GRIP1: variants seen among roughly 807,000 people sequenced by gnomAD.
The protein encoded by GRIP1 is glutamate receptor-interacting protein 1.
A neutral mutation model predicts 129.9 loss-of-function variants in GRIP1; 45 were observed. That is an observed-to-expected ratio of 0.35 (90% CI 0.27 to 0.44). The LOEUF (loss-of-function observed/expected upper bound fraction) is 0.44, where lower values mean the gene tolerates loss of function less well. Ranked by LOEUF, GRIP1 falls within the 20% of genes least tolerant of loss-of-function variation. GRIP1 has a pLI of 1.00. For missense variants in GRIP1, 1,196 were observed against 1,396.8 expected, an observed-to-expected ratio of 0.86 and a Z score of 2.29; for synonymous variants, 530 against 520.8, an observed-to-expected ratio of 1.02 and a Z score of -0.24.
chr12:67,038,971 C>T (rs1008244844), intron 1 of GRIP1, among the ~76,000 whole-genome samples: 35 of 151,970 alleles, frequency 2.3e-4, no homozygotes, highest in African/African-American at 8.2e-4. Flanking sequence ...TATGACCAAA[C>T]CCATTCCCAA....
chr12:66,376,071 ACAT>A (rs1275907859), intron 22 of GRIP1, among the ~76,000 whole-genome samples: 2,622 of 152,332 alleles, frequency 0.017, 82 homozygotes, highest in African/African-American at 0.06. Flanking sequence ...ATCATTGCTA[ACAT>A]CTTACTTCAT....
chr12:66,494,537 T>C (rs138541575), intron 7 of GRIP1, among the ~76,000 whole-genome samples: 4 of 152,162 alleles, frequency 2.6e-5, no homozygotes, highest in African/African-American at 9.7e-5. Context: ...TGAATTTGAA[T>C]AAATTAATTT....
intron 1 of GRIP1, among the ~76,000 whole-genome samples, chr12:66,663,581 T>C (rs2033633509): frequency 6.6e-6 from 1 of 151,890 alleles, no homozygotes; most frequent in Non-Finnish European, 1.5e-5. Flanking sequence ...GAGGTATGTG[T>C]GGGGTGGGTG....
chr12:66,417,555 A>G (rs1289413624), intron 15 of GRIP1, among the ~76,000 whole-genome samples: 1 of 152,176 alleles, frequency 6.6e-6, no homozygotes, highest in East Asian at 1.9e-4. Context: ...AAGACTCCAC[A>G]AAAAACAATT....
At chr12:67,065,492 T>C (rs2043609615) in intron 1 of GRIP1, among the ~76,000 whole-genome samples, 1 of 152,174 alleles carries the variant, frequency 6.6e-6, no homozygotes, top group African/African-American at 2.4e-5. Flanking sequence ...TAATGTGAAA[T>C]GCACTTAACA....
At chr12:66,950,957 A>C (rs2041747663) in intron 1 of GRIP1, among the ~76,000 whole-genome samples, 1 of 152,190 alleles carries the variant, frequency 6.6e-6, no homozygotes, top group Non-Finnish European at 1.5e-5. Flanking sequence ...TGGAAGACAA[A>C]TCTGCAAATG....
chr12:67,061,955 G>C (rs1399667421), intron 1 of GRIP1, among the ~76,000 whole-genome samples: 1 of 82,188 alleles, frequency 1.2e-5, no homozygotes, highest in Non-Finnish European at 2.6e-5. Context: ...ATTCTAATCA[G>C]TACTTGAACC....
At chr12:66,455,612 G>C in intron 10 of GRIP1, 48 bp from the exon 11 acceptor site, 1 of 1,567,880 alleles carries the variant, frequency 6.4e-7, no homozygotes, top group South Asian at 1.1e-5. Flanking sequence ...GGTGAGGTGT[G>C]AGCCCGCCAC....
In GRIP1 at chr12:66,989,620, T is replaced by C. The variant is rs566800247; in HGVS notation, c.58+79430A>G. Among the ~76,000 whole-genome samples, 14 of 152,318 alleles carry C rather than the reference T, an allele frequency of 9.2e-5. No individual in the cohort carries two copies. The South Asian group carries it at 2.9e-3, about 32-fold the overall frequency. ...AAACAGAAAATCTTTATTTCACTCA[T>C]AGAGACTTTTTTAAAACCAAATATG... On this transcript the variant is annotated intron_variant, in intron 1 of 1. Transcript: ENST00000643019.
At chr12:67,036,695 C>G (rs2043101310) in intron 1 of GRIP1, among the ~76,000 whole-genome samples, 1 of 152,024 alleles carries the variant, frequency 6.6e-6, no homozygotes, top group Non-Finnish European at 1.5e-5. Context: ...ACAATTAAAT[C>G]TCTTTAATAC....
chr12:66,684,931 C>G (rs182818869), intron 1 of GRIP1, among the ~76,000 whole-genome samples: 27 of 152,304 alleles, frequency 1.8e-4, no homozygotes, highest in African/African-American at 6.3e-4. Flanking sequence ...CTGTGGGCAG[C>G]CTTCATGACC....
chr12:66,490,238 G>A (rs1258714593), intron 7 of GRIP1, among the ~76,000 whole-genome samples: 1 of 152,094 alleles, frequency 6.6e-6, no homozygotes, highest in Non-Finnish European at 1.5e-5. Context: ...ATACTACAAG[G>A]TTACAGTAAC....
At chr12:66,600,675 T>C (rs1317794627) in intron 1 of GRIP1, among the ~76,000 whole-genome samples, 1 of 152,248 alleles carries the variant, frequency 6.6e-6, no homozygotes, top group Non-Finnish European at 1.5e-5. Context: ...ATATATTTCC[T>C]TCCATTTTCA....
intron 1 of GRIP1, among the ~76,000 whole-genome samples, chr12:66,670,017 T>C (rs1383299433): frequency 6.6e-6 from 1 of 152,232 alleles, no homozygotes; most frequent in Non-Finnish European, 1.5e-5. Flanking sequence ...AAGATGACTT[T>C]AACCAATGAA....
At chr12:66,562,234 GT>G (rs2062560063) in intron 2 of GRIP1, among the ~76,000 whole-genome samples, 1 of 152,170 alleles carries the variant, frequency 6.6e-6, no homozygotes, top group Admixed American at 6.5e-5. Context: ...AAAAATGTCA[GT>G]GAAATAAATC....
intron 7 of GRIP1, among the ~76,000 whole-genome samples, chr12:66,477,510 C>A (rs1162297510): frequency 6.6e-6 from 1 of 151,828 alleles, no homozygotes; most frequent in Non-Finnish European, 1.5e-5. Context: ...ACTTTCTTCA[C>A]AGAATTGGAA....
At chr12:66,784,666 G>C (rs1280027336) in intron 1 of GRIP1, among the ~76,000 whole-genome samples, 1 of 152,050 alleles carries the variant, frequency 6.6e-6, no homozygotes. Flanking sequence ...CAGGAAAGAT[G>C]TTACTGCTTT....
At chr12:66,714,133 G>A (rs7295992) in intron 1 of GRIP1, among the ~76,000 whole-genome samples, 2,414 of 152,056 alleles carry the variant, frequency 0.016, 68 homozygotes, top group African/African-American at 0.055. Flanking sequence ...ATTCTAAACC[G>A]ATGTGAAACG....
chr12:66,935,862 C>G (rs2041475390), intron 1 of GRIP1, among the ~76,000 whole-genome samples: 1 of 152,170 alleles, frequency 6.6e-6, no homozygotes. Flanking sequence ...TTGGCCAACA[C>G]TCAGTTATTG....
Sources: gnomAD v4.1 joint callset for allele counts (sites outside exome capture counted in the v4.1 genomes callset) on GRCh38, gnomAD v4.1.1 for gene constraint, MANE v1.5 for transcripts, NCBI Gene and HGNC (gene_info 2026-07-23, HGNC 2026-07-21) for gene names.